CSN1S1: variants seen among roughly 807,000 people sequenced by gnomAD.
CSN1S1 encodes the protein alpha-S1-casein.
A neutral mutation model predicts 49.1 loss-of-function variants in CSN1S1; 63 were observed. The ratio of observed to expected loss-of-function variants is 1.28; its 90% CI spans 1.05 to 1.58. The LOEUF is 1.58. Ranked by LOEUF, CSN1S1 falls within the 40% of genes most tolerant of loss-of-function variation. The pLI is 0.00. For synonymous variants in CSN1S1, 78 were observed against 67.1 expected, an observed-to-expected ratio of 1.16 and a Z score of -0.79; for missense variants, 260 against 224.7, an observed-to-expected ratio of 1.16 and a Z score of -1.01.
intron 14 of CSN1S1, 107 bp downstream of exon 14, chr4:69,942,684 C>A: frequency 1.2e-6 from 1 of 811,556 alleles, no homozygotes; most frequent in Non-Finnish European, 2.0e-6. Context: ...TCTTCTCAAA[C>A]ATTTCTCACT....
rs1314753606 is a variant in CSN1S1, at chr4:69,944,964, C to G, written c.517C>G (p.His173Asp). 1.9e-6 allele frequency: 3 copies of G among 1,612,712 alleles called. No individual in the cohort carries two copies. The highest frequency in any genetic ancestry group is 1.7e-6 in the Non-Finnish European group (2 of 1,179,184). The change falls in exon 15 of 16, where the codon CAT (histidine) becomes GAT (aspartate). Residue 173 changes from histidine to aspartate, a missense_variant. His to Asp is a moderately conservative substitution (Grantham distance 81, BLOSUM62 -1). Coordinates refer to ENST00000246891, the MANE Select transcript of CSN1S1 (RefSeq NM_001890.2). ...PFSDISNPTA[H>D]ENYEKNNVML... ...TTCCGACATCTCCAATCCCACTGCT[C>G]ATGAAAATTATGAAAAAAATAACGT...
At chr4:69,944,673 TTTC>T (rs1164391358) in intron 14 of CSN1S1, among the ~76,000 whole-genome samples, 174 bp from the exon 15 acceptor site, 1 of 152,092 alleles carries the variant, frequency 6.6e-6, no homozygotes, top group East Asian at 1.9e-4. Flanking sequence ...CTTCTGAAAG[TTTC>T]TTCAACATGG....
chr4:69,938,421 T>G (rs1193839870), intron 9 of CSN1S1, among the ~76,000 whole-genome samples: 1 of 148,932 alleles, frequency 6.7e-6, no homozygotes, highest in Non-Finnish European at 1.5e-5. Context: ...TTGCACCAAC[T>G]TAATAGTTTG....
intron 2 of CSN1S1, among the ~76,000 whole-genome samples, chr4:69,933,287 A>C (rs762846194): frequency 5.3e-5 from 8 of 152,044 alleles, no homozygotes; most frequent in Non-Finnish European, 1.2e-4. Context: ...TTAATGAATG[A>C]GAAGAATAAA....
At chr4:69,940,065 T>G (rs940565093) in intron 11 of CSN1S1, 21 bp downstream of exon 11, 3 of 1,208,660 alleles carry the variant, frequency 2.5e-6, no homozygotes. Context: ...TTTGCTAAAT[T>G]TAAAATATAT....
chr4:69,939,068 A>G (rs934390096), intron 9 of CSN1S1, 108 bp from the exon 10 acceptor site: 1 of 677,906 alleles, frequency 1.5e-6, no homozygotes, highest in Non-Finnish European at 2.5e-6. Flanking sequence ...CCACTTATTC[A>G]GTTATAATGT....
rs149927680 is a variant in CSN1S1 at position 69,944,943 on chromosome 4, G to A, written c.496G>A (p.Asp166Asn). ...MQYVPFPPFS[D>N]ISNPTAHENY... is the part of the protein sequence containing the mutation. ...GTATGTTCCTTTCCCACCGTTTTCC[G>A]ACATCTCCAATCCCACTGCTCATGA... The change falls in exon 15 of 16, where the codon GAC becomes AAC. Residue 166 changes from aspartate (D) to asparagine (N), a missense_variant. Physicochemically the swap from Asp to Asn is conservative, Grantham distance 23. Coordinates refer to ENST00000246891, the MANE Select transcript of CSN1S1 (RefSeq NM_001890.2). The A allele has an allele frequency of 1.4e-5, 23 of 1,612,534 alleles. No homozygotes were observed. The East Asian group carries it at 2.5e-4, about 17-fold the overall frequency.
intron 10 of CSN1S1, among the ~76,000 whole-genome samples, chr4:69,939,792 AC>A (rs913878669): frequency 6.6e-6 from 1 of 151,564 alleles, no homozygotes; most frequent in African/African-American, 2.4e-5. Context: ...CTTCACATCC[AC>A]CCCCAGCATT....
Position 69,942,575 on chromosome 4 carries a change from G to T in CSN1S1, c.400G>T (p.Val134Leu). 1 of 1,583,598 alleles carries T rather than the reference G, an allele frequency of 6.3e-7. No homozygotes were observed. Among genetic ancestry groups the T allele is most frequent in the Non-Finnish European group, 8.6e-7 (1 of 1,162,934 alleles). ...RRMNENSHVQVPFQQLNQLAA... is the reference protein window; with the variant it reads ...RRMNENSHVQLPFQQLNQLAA... ...AATGAATGAAAACAGCCATGTCCAA[G>T]TGGTAATATTTTGCTTAATATATTA... is the stretch of plus-strand genomic sequence containing the variant. Residue 134 changes from valine (V) to leucine (L), a missense_variant and splice_region_variant, in exon 14 of 16, where the codon GTG becomes TTG. Coordinates refer to ENST00000246891, the MANE Select transcript of CSN1S1 (RefSeq NM_001890.2).
intron 1 of CSN1S1, among the ~76,000 whole-genome samples, chr4:69,931,417 T>A (rs1177801232): frequency 1.3e-5 from 2 of 151,960 alleles, no homozygotes; most frequent in Non-Finnish European, 2.9e-5. Context: ...TAATTTAAAT[T>A]ATTTTTACCT....
At chr4:69,932,751 A>C (rs2109711161) in intron 2 of CSN1S1, 145 bp downstream of exon 2, 1 of 711,054 alleles carries the variant, frequency 1.4e-6, no homozygotes, top group East Asian at 2.7e-5. Flanking sequence ...ATAGAAATGC[A>C]GTAATGCTTC....
At chr4:69,931,993 T>C (rs1722622510) in intron 1 of CSN1S1, among the ~76,000 whole-genome samples, 1 of 151,888 alleles carries the variant, frequency 6.6e-6, no homozygotes, top group African/African-American at 2.4e-5. Context: ...TATTTAAAAA[T>C]TGAAAGAGAT....
At chr4:69,932,833 G>A (rs146561360) in intron 2 of CSN1S1, among the ~76,000 whole-genome samples, 1 of 151,622 alleles carries the variant, frequency 6.6e-6, no homozygotes, top group African/African-American at 2.4e-5. Context: ...TGAATTATAA[G>A]CACCCCACAA....
At chr4:69,932,160 G>A (rs376278064) in intron 1 of CSN1S1, among the ~76,000 whole-genome samples, 12 of 151,814 alleles carry the variant, frequency 7.9e-5, no homozygotes, top group African/African-American at 2.7e-4. Flanking sequence ...GCCCACTTTA[G>A]AAAATCTGAT....
At chr4:69,943,099 A>G (rs919708967) in intron 14 of CSN1S1, among the ~76,000 whole-genome samples, 2 of 151,298 alleles carry the variant, frequency 1.3e-5, no homozygotes, top group African/African-American at 4.8e-5. Context: ...TAAAAAGAAA[A>G]TAAAGGCAAG....
At chr4:69,945,250 G>A (rs1271563841) in intron 15 of CSN1S1, among the ~76,000 whole-genome samples, 2 of 151,944 alleles carry the variant, frequency 1.3e-5, no homozygotes, top group Admixed American at 6.6e-5. Flanking sequence ...ATTCTAATGA[G>A]CCTGGAAAAT....
Position 69,935,926 on chromosome 4 carries a change from C to A in CSN1S1, c.106C>A (p.Pro36Thr). The change falls in exon 5 of 16, where the codon CCT becomes ACT. Residue 36 changes from proline to threonine, a missense_variant and splice_region_variant. Coordinates refer to ENST00000246891, the MANE Select transcript of CSN1S1 (RefSeq NM_001890.2). ...RLQNPSESSE[P>T]IPLESREEYM... ...TTTAACATAACTTTTTTTTTTGTAG[C>A]CTATACCATTAGAATCAAGAGAGGT... The A allele has an allele frequency of 6.6e-7, 1 of 1,525,514 alleles. No individual in the cohort carries two copies. Among genetic ancestry groups the A allele is most frequent in the African/African-American group, 1.4e-5 (1 of 71,918 alleles). The allele number at this position is 1,525,514 out of a possible 1,614,324, so 94.5% of individuals were successfully genotyped here.
At chr4:69,941,613 G>A (rs1247487997) in intron 12 of CSN1S1, among the ~76,000 whole-genome samples, 1 of 151,856 alleles carries the variant, frequency 6.6e-6, no homozygotes, top group African/African-American at 2.4e-5. Flanking sequence ...GAAGGCTTTG[G>A]GAAATGCTTG....
At chr4:69,933,844 C>A (rs2109712884) in intron 2 of CSN1S1, among the ~76,000 whole-genome samples, 1 of 152,026 alleles carries the variant, frequency 6.6e-6, no homozygotes, top group African/African-American at 2.4e-5. Flanking sequence ...AGTTTAAAAT[C>A]ATCTTTAGAA....
Sources: allele counts gnomAD v4.1 joint callset (sites outside exome capture counted in the v4.1 genomes callset), GRCh38; gene constraint gnomAD v4.1.1; transcripts MANE v1.5; gene names NCBI Gene and HGNC (gene_info 2026-07-23, HGNC 2026-07-21).